The following GLS variants were observed in gnomAD, a reference collection of about 807,000 sequenced individuals.
GLS encodes the protein glutaminase kidney isoform, mitochondrial.
Under a neutral mutation model 86.7 loss-of-function variants are expected in GLS, and 36 were observed. That is an observed-to-expected ratio of 0.42 (90% CI 0.32 to 0.55). The LOEUF is 0.55. Among genes scored for constraint, GLS ranks in the 20% least tolerant of loss-of-function variants. The probability of loss-of-function intolerance (pLI) is 0.17; values close to 1 mark genes in which losing one functional copy is unlikely to be tolerated. For missense variants in GLS, 528 were observed against 833.4 expected (o/e 0.63, Z 4.51); for synonymous variants, 317 against 305.9 (o/e 1.04, Z -0.38).
Position 190,951,855 on chromosome 2 carries a change from T to C in GLS, c.1651-1710T>C, listed in dbSNP as rs114606780. On this transcript the variant is annotated intron_variant, in intron 14 of 17. Transcript: ENST00000320717. The surrounding 1 kb of genome is among the most constrained non-coding windows in gnomAD (Gnocchi z 4.2). The stretch of plus-strand genomic sequence containing the variant: ...AAAAAAGAAAGACATTAAGGACACC[T>C]GAAACAGTGGTTTATAACCCAGAAA... Among the ~76,000 whole-genome samples the C allele has an allele frequency of 5.3e-5, 8 of 152,332 alleles. No individual in the cohort carries two copies. Among genetic ancestry groups the C allele is most frequent in the Non-Finnish European group, 1.0e-4 (7 of 68,026 alleles).
At chr2:190,922,916 C>G (rs1248780358) in intron 9 of GLS, among the ~76,000 whole-genome samples, 1 of 152,138 alleles carries the variant, frequency 6.6e-6, no homozygotes, top group Non-Finnish European at 1.5e-5. Flanking sequence ...GCTCTTTGCT[C>G]TAGAGATAGA....
At chr2:190,881,531 G>C (rs1688180901) in intron 1 of GLS, 61 bp downstream of exon 1, 1 of 1,451,408 alleles carries the variant, frequency 6.9e-7, no homozygotes, top group South Asian at 1.2e-5. Flanking sequence ...CTCAGGCTGT[G>C]TGGGGCCCTG....
chr2:190,889,525 A>C (rs774215024), intron 1 of GLS, among the ~76,000 whole-genome samples: 10 of 152,182 alleles, frequency 6.6e-5, no homozygotes, highest in Non-Finnish European at 1.5e-4. Flanking sequence ...CAAGTTGTCT[A>C]TAGTGGTATC....
At chr2:190,882,767 C>T (rs1688246686) in intron 1 of GLS, among the ~76,000 whole-genome samples, 1 of 152,174 alleles carries the variant, frequency 6.6e-6, no homozygotes, top group African/African-American at 2.4e-5. Flanking sequence ...AAATAGCGTC[C>T]TGACCATGGA....
At chr2:190,885,788 AT>A (rs1242068158) in intron 1 of GLS, among the ~76,000 whole-genome samples, 2 of 149,874 alleles carry the variant, frequency 1.3e-5, no homozygotes, top group Non-Finnish European at 3.0e-5. Context: ...CCCCTTAGTT[AT>A]TTTTGATTTC....
rs571788044 is a variant in GLS, at chr2:190,926,986, T to C, written c.1249-320T>C. On this transcript the variant is annotated intron_variant, in intron 11 of 17. Coordinates refer to ENST00000320717, the MANE Select transcript of GLS (RefSeq NM_014905.5). Reference sequence around the variant, plus strand: ...GTTAAAAGTAATTATGCTTGTGTATTCCACAGAAAGTATTAATATTTAAGC... The same window carrying C: ...GTTAAAAGTAATTATGCTTGTGTATCCCACAGAAAGTATTAATATTTAAGC... 275 of 187,470 alleles carry C rather than the reference T, an allele frequency of 1.5e-3. 2 individuals are homozygous for C. Among genetic ancestry groups the C allele is most frequent in the African/African-American group, 6.3e-3 (267 of 42,648 alleles). 11.6% of individuals were successfully genotyped at this position (187,470 alleles called of 1,614,324 possible).
At position 190,919,716 on chromosome 2, in the gene GLS, TG is replaced by T. The variant is rs1435923164; in HGVS notation, c.1039-1306del. On this transcript the variant is annotated intron_variant, in intron 7 of 17. Transcript: ENST00000320717. ...TTAATTATTTTTCATTGAACAGCTT[TG>T]GAGTTACATTTCTACATTTTGATTT... 4.4e-6 allele frequency: 3 copies of T among 677,436 alleles called. No homozygotes were observed. The African/African-American group carries it at 5.8e-5, about 13-fold the overall frequency. The allele number at this position is 677,436 out of a possible 1,614,324, so 42.0% of individuals were successfully genotyped here.
chr2:190,945,285 T>A (rs1255855003), intron 14 of GLS, among the ~76,000 whole-genome samples: 1 of 152,216 alleles, frequency 6.6e-6, no homozygotes, highest in African/African-American at 2.4e-5. Flanking sequence ...ATTTTTTGTC[T>A]TCATAGGTTG....
At chr2:190,934,372 T>TAAA (rs1209863342) in intron 14 of GLS, 2 of 959,958 alleles carry the variant, frequency 2.1e-6, no homozygotes, top group Non-Finnish European at 2.5e-6. Context: ...AAAAGCCTTT[T>TAAA]GGGCTAACTT....
intron 6 of GLS, among the ~76,000 whole-genome samples, chr2:190,907,535 C>T (rs1207421952): frequency 2.6e-5 from 4 of 152,158 alleles, no homozygotes; most frequent in African/African-American, 4.8e-5. Context: ...GGATTACAGG[C>T]GTGAGCCACC....
At position 190,913,434 on chromosome 2, in the gene GLS, G is replaced by A; in HGVS notation, c.1038+3113G>A. On this transcript the variant is annotated intron_variant, in intron 7 of 17. Coordinates refer to ENST00000320717, the MANE Select transcript of GLS (RefSeq NM_014905.5). This position sits in a 1 kb window ranked among gnomAD's most constrained non-coding sequence, Gnocchi z 6.1. ...CACATAATTTTTAAAAATCATAAGG[G>A]TATTATACTTCCTCTCTTTTTCTCT... The A allele has an allele frequency of 1.1e-6, 1 of 879,216 alleles. No individual in the cohort carries two copies. The highest frequency in any genetic ancestry group is 1.4e-6 in the Non-Finnish European group (1 of 705,830). 54.5% of individuals were successfully genotyped at this position (879,216 alleles called of 1,614,324 possible). A position where few individuals can be genotyped will look rare whatever the true frequency, so the allele number is the denominator to read the frequency against.
intron 1 of GLS, among the ~76,000 whole-genome samples, chr2:190,886,798 C>A (rs1056834305): frequency 6.6e-6 from 1 of 151,746 alleles, no homozygotes; most frequent in African/African-American, 2.4e-5. Flanking sequence ...CACCTGTAAT[C>A]CCAGCTACTC....
Position 190,943,136 on chromosome 2 carries a change from G to A in GLS, c.1651-10429G>A, listed in dbSNP as rs184033702. On this transcript the variant is annotated intron_variant, in intron 14 of 17. Transcript: ENST00000320717. This position sits in a 1 kb window ranked among gnomAD's most constrained non-coding sequence, Gnocchi z 4.5. Reference sequence around the variant, plus strand: ...AACAAATAGAGGTTCTGTTAGTATGGAAGGGGTGGGTAGTGGATAATGGTT... The same window carrying A: ...AACAAATAGAGGTTCTGTTAGTATGAAAGGGGTGGGTAGTGGATAATGGTT... Among the ~76,000 whole-genome samples the A allele has an allele frequency of 5.3e-5, 8 of 152,346 alleles. No individual in the cohort carries two copies. The highest frequency in any genetic ancestry group is 2.1e-4 in the South Asian group (1 of 4,830).
chr2:190,919,665 T>C, intron 7 of GLS: 1 of 866,722 alleles, frequency 1.2e-6, no homozygotes, highest in Non-Finnish European at 1.4e-6. Flanking sequence ...ACTGCAACAG[T>C]TCAATGAAGT....
In GLS at chr2:190,951,074, G is replaced by A. The variant is rs1003698990; in HGVS notation, c.1651-2491G>A. Among the ~76,000 whole-genome samples the A allele has an allele frequency of 4.6e-5, 7 of 152,130 alleles. No homozygotes were observed. Among genetic ancestry groups the A allele is most frequent in the African/African-American group, 1.4e-4 (6 of 41,416 alleles). On this transcript the variant is annotated intron_variant, in intron 14 of 17. Coordinates refer to ENST00000320717, the MANE Select transcript of GLS (RefSeq NM_014905.5). The surrounding 1 kb of genome is among the most constrained non-coding windows in gnomAD (Gnocchi z 4.2). ...AGATGGGGAAGTCAGTGTGCCCAGAGGAATAGATGAATTCTTTGAGGGACA... is the reference window on the plus strand; with the variant it reads ...AGATGGGGAAGTCAGTGTGCCCAGAAGAATAGATGAATTCTTTGAGGGACA...
chr2:190,880,889 CAG>C lies in GLS; in HGVS notation c.-195_-194del. On this transcript the variant is annotated 5_prime_UTR_variant, in exon 1 of 18. Coordinates refer to ENST00000320717, the MANE Select transcript of GLS (RefSeq NM_014905.5). Reference sequence around the variant, plus strand: ...TCCTAGCGCGCAGCAGCAGCAGCAGCAGCAGCAGCAGCAGCAGCAGCAGCAGC... The same window carrying C: ...TCCTAGCGCGCAGCAGCAGCAGCAGCCAGCAGCAGCAGCAGCAGCAGCAGC... 2 of 505,078 alleles carry C rather than the reference CAG, an allele frequency of 4.0e-6. 1 individual carries two copies. The highest frequency in any genetic ancestry group is 4.3e-5 in the South Asian group (2 of 46,736). The allele number at this position is 505,078 out of a possible 1,614,324, so 31.3% of individuals were successfully genotyped here.
intron 14 of GLS, among the ~76,000 whole-genome samples, chr2:190,939,118 ATATC>A (rs1405443063): frequency 6.6e-6 from 1 of 151,664 alleles, no homozygotes; most frequent in Non-Finnish European, 1.5e-5. Context: ...AACATGCAAA[ATATC>A]TAGCTACTTC....
Position 190,905,943 on chromosome 2 carries a change from CT to C in GLS, c.979+785del, listed in dbSNP as rs913723135. On this transcript the variant is annotated intron_variant, in intron 6 of 17. Transcript: ENST00000320717. This position sits in a 1 kb window ranked among gnomAD's most constrained non-coding sequence, Gnocchi z 4.6. ...TGGCTGTGAGAGATACACTTTTGTA[CT>C]TTTTTTTTCTGCTGTATAAAAAATG... Among the ~76,000 whole-genome samples, 6 of 151,260 alleles carry C rather than the reference CT, an allele frequency of 4.0e-5. No individual in the cohort carries two copies. The highest frequency in any genetic ancestry group is 6.6e-5 in the Admixed American group (1 of 15,204).
Position 190,920,924 on chromosome 2 carries a change from C to T in GLS, c.1039-100C>T. On this transcript the variant is annotated intron_variant, in intron 7 of 17. Transcript: ENST00000320717. This position sits in a 1 kb window ranked among gnomAD's most constrained non-coding sequence, Gnocchi z 4.2. ...TTTCCTAGATTTAAAAATACTAATG[C>T]AGTATATTATAATAGTAGCTTTGAA... 1.6e-6 allele frequency: 1 copy of T among 639,734 alleles called. No homozygotes were observed. The highest frequency in any genetic ancestry group is 1.9e-5 in the South Asian group (1 of 52,768). 39.6% of individuals were successfully genotyped at this position (639,734 alleles called of 1,614,324 possible).
Sources: gnomAD v4.1 joint callset for allele counts (sites outside exome capture counted in the v4.1 genomes callset) on GRCh38, gnomAD v4.1.1 for gene constraint, Gnocchi (gnomAD v3.1) non-coding constraint, MANE v1.5 for transcripts, NCBI Gene and HGNC (gene_info 2026-07-23, HGNC 2026-07-21) for gene names.